The following FDFT1 variants were observed in gnomAD, a reference collection of about 807,000 sequenced individuals.
FDFT1 encodes farnesyl-diphosphate farnesyltransferase 1.
In FDFT1, 68 loss-of-function variants were observed where a neutral mutation model predicts 46.8. The ratio of observed to expected loss-of-function variants is 1.45; its 90% CI spans 1.19 to 1.78. The LOEUF is 1.78. FDFT1 is among the 40% of genes most tolerant of loss of function. The probability of loss-of-function intolerance (pLI) is 0.00; values close to 1 mark genes in which losing one functional copy is unlikely to be tolerated. For missense variants in FDFT1, 928 were observed against 524.4 expected, an observed-to-expected ratio of 1.77 and a Z score of -7.52; for synonymous variants, 351 against 185.1, an observed-to-expected ratio of 1.90 and a Z score of -7.28.
chr8:11,825,959 T>A, intron 4 of FDFT1, 65 bp from the exon 5 acceptor site: 1 of 1,178,878 alleles, frequency 8.5e-7, no homozygotes, highest in Non-Finnish European at 1.2e-6. Context: ...TAGCTAATGA[T>A]CTCTAGTGTG....
chr8:11,809,746 A>G lies in FDFT1; in HGVS notation c.277A>G (p.Lys93Glu). The G allele has an allele frequency of 6.2e-7, 1 of 1,614,116 alleles. No homozygotes were observed. Among genetic ancestry groups the G allele is most frequent in the Non-Finnish European group, 8.5e-7 (1 of 1,179,974 alleles). ...EDDMTISVEK[K>E]VPLLHNFHSF... ...TGACATGACCATCAGTGTGGAAAAGAAGGTCCCGCTGTTACACAACTTTCA... is the reference window on the plus strand; with the variant it reads ...TGACATGACCATCAGTGTGGAAAAGGAGGTCCCGCTGTTACACAACTTTCA... Residue 93 changes from lysine to glutamate, a missense_variant, in exon 3 of 8, where the codon AAG becomes GAG. Lys to Glu is a moderately conservative substitution (Grantham distance 56). Transcript: ENST00000220584.
chr8:11,825,833 G>A (rs1292073768), intron 4 of FDFT1, among the ~76,000 whole-genome samples, 191 bp from the exon 5 acceptor site: 1 of 152,174 alleles, frequency 6.6e-6, no homozygotes, highest in African/African-American at 2.4e-5. Flanking sequence ...GCCAGAGACT[G>A]CTATGAAATG....
Position 11,804,600 on chromosome 8 carries a change from C to CTTTTT in FDFT1, c.99+1686_99+1690dup, listed in dbSNP as rs5889385. ...TTCACTTAACATTATCTTAGTTTCT[C>CTTTTT]TTTTTTTTTTTTTTTTTTTTTGAGA... On this transcript the variant is annotated intron_variant, in intron 1 of 7. Coordinates refer to ENST00000220584, the MANE Select transcript of FDFT1 (RefSeq NM_004462.5). Among the ~76,000 whole-genome samples the CTTTTT allele has an allele frequency of 1.6e-3, 153 of 97,330 alleles. 3 individuals are homozygous for CTTTTT. The highest frequency in any genetic ancestry group is 2.5e-3 in the East Asian group (8 of 3,190). 63.9% of individuals were successfully genotyped at this position (97,330 alleles called of 152,430 possible). A position where few individuals can be genotyped will look rare whatever the true frequency, so the allele number is the denominator to read the frequency against.
chr8:11,811,530 G>A (rs1042691221), intron 3 of FDFT1, among the ~76,000 whole-genome samples: 2 of 152,198 alleles, frequency 1.3e-5, no homozygotes, highest in Non-Finnish European at 1.5e-5. Context: ...GGGGAATATC[G>A]CCGTCAGATT....
At chr8:11,818,941 C>G (rs183355509) in intron 3 of FDFT1, among the ~76,000 whole-genome samples, 1 of 152,288 alleles carries the variant, frequency 6.6e-6, no homozygotes, top group East Asian at 1.9e-4. Context: ...CAGTTTCTTC[C>G]TAGCCTCGAT....
upstream of FDFT1, among the ~76,000 whole-genome samples, chr8:11,800,862 T>A (rs1279309152): frequency 6.6e-6 from 1 of 152,204 alleles, no homozygotes; most frequent in Non-Finnish European, 1.5e-5. Flanking sequence ...GAAACTAAGT[T>A]TTTAAGATTT....
intron 5 of FDFT1, among the ~76,000 whole-genome samples, chr8:11,828,771 T>TC (rs547492170): frequency 6.9e-4 from 105 of 152,354 alleles, no homozygotes; most frequent in African/African-American, 2.0e-3. Flanking sequence ...CCAAATGTGG[T>TC]CCTAGGTGAT....
upstream of FDFT1, among the ~76,000 whole-genome samples, chr8:11,799,397 G>T (rs145318449): frequency 6.6e-6 from 1 of 152,260 alleles, no homozygotes; most frequent in African/African-American, 2.4e-5. Flanking sequence ...AAAAAGAAGA[G>T]CCCTGTGGCA....
upstream of FDFT1, among the ~76,000 whole-genome samples, chr8:11,799,459 C>T (rs1805884945): frequency 6.6e-6 from 1 of 152,206 alleles, no homozygotes; most frequent in Non-Finnish European, 1.5e-5. Flanking sequence ...TTCACCATTG[C>T]CTGCATGGCC....
chr8:11,830,207 C>G (rs763358396), intron 5 of FDFT1, 37 bp from the exon 6 acceptor site: 9 of 1,522,692 alleles, frequency 5.9e-6, no homozygotes, highest in Non-Finnish European at 8.2e-6. Context: ...CCCCTATGCA[C>G]ACGCTGACCT....
intron 7 of FDFT1, among the ~76,000 whole-genome samples, chr8:11,836,361 C>G (rs1811537223): frequency 6.6e-6 from 1 of 152,216 alleles, no homozygotes; most frequent in East Asian, 1.9e-4. Flanking sequence ...CCAAGTAGGG[C>G]TGGACCTTGC....
chr8:11,810,897 GA>G (rs1263655683), intron 3 of FDFT1, among the ~76,000 whole-genome samples: 4 of 66,442 alleles, frequency 6.0e-5, no homozygotes, highest in Non-Finnish European at 8.5e-5. Context: ...CCAAACAAAA[GA>G]ATCTTTGATT....
rs1807210054 is a variant in FDFT1 at position 11,808,528 on chromosome 8, CCG to C, written c.100-264_100-263del. The C allele has an allele frequency of 2.3e-6, 3 of 1,332,868 alleles. No individual in the cohort carries two copies. In the East Asian group the frequency reaches 9.1e-5, roughly 40 times the overall value. 82.6% of individuals were successfully genotyped at this position (1,332,868 alleles called of 1,614,324 possible). A position where few individuals can be genotyped will look rare whatever the true frequency, so the allele number is the denominator to read the frequency against. On this transcript the variant is annotated intron_variant, in intron 1 of 7. Transcript: ENST00000220584. Reference sequence around the variant, plus strand: ...GGGTCCGCGATTCCCATGGCCGCAGCCGCCTGCGGCACCAAGGCCATGGCCCT... The same window carrying C: ...GGGTCCGCGATTCCCATGGCCGCAGCCCTGCGGCACCAAGGCCATGGCCCT...
chr8:11,802,751 C>T lies in FDFT1; in HGVS notation c.-82C>T. Reference sequence around the variant, plus strand: ...TCCGGCCAGCCCCTCGAAGCACCTACTCCACAGGTCCAGCCGGCCGGTGAG... The same window carrying T: ...TCCGGCCAGCCCCTCGAAGCACCTATTCCACAGGTCCAGCCGGCCGGTGAG... On this transcript the variant is annotated 5_prime_UTR_variant, in exon 1 of 8. Coordinates refer to ENST00000220584, the MANE Select transcript of FDFT1 (RefSeq NM_004462.5). 9.1e-7 allele frequency: 1 copy of T among 1,102,202 alleles called. No homozygotes were observed. The highest frequency in any genetic ancestry group is 1.4e-6 in the Non-Finnish European group (1 of 739,132). The allele number at this position is 1,102,202 out of a possible 1,614,324, so 68.3% of individuals were successfully genotyped here. A position where few individuals can be genotyped will look rare whatever the true frequency, so the allele number is the denominator to read the frequency against.
At chr8:11,802,393 C>T (rs2686196), upstream of FDFT1, 24 of 456,542 alleles carry the variant, frequency 5.3e-5, no homozygotes, top group African/African-American at 4.6e-4. Flanking sequence ...CGTTGGGCTC[C>T]TGCGCATCCT....
intron 1 of FDFT1, chr8:11,796,036 G>A (rs1805528916): frequency 6.6e-6 from 1 of 152,216 alleles, no homozygotes; most frequent in African/African-American, 2.4e-5. Flanking sequence ...TAGTTCATGA[G>A]TTGGGGTTTT....
Position 11,838,766 on chromosome 8 carries a change from A to T in FDFT1, c.*157A>T, listed in dbSNP as rs776532401. 1 of 655,320 alleles carries T rather than the reference A, an allele frequency of 1.5e-6. No homozygotes were observed. Among genetic ancestry groups the T allele is most frequent in the Non-Finnish European group, 2.7e-6 (1 of 373,026 alleles). 40.6% of individuals were successfully genotyped at this position (655,320 alleles called of 1,614,324 possible). A position where few individuals can be genotyped will look rare whatever the true frequency, so the allele number is the denominator to read the frequency against. On this transcript the variant is annotated 3_prime_UTR_variant, in exon 8 of 8. Transcript: ENST00000220584. ...TTTAGGAAAGTGAAATGCAGGTGAG[A>T]AGAACCTAAACATGAAAGGAAAGGG...
intron 3 of FDFT1, among the ~76,000 whole-genome samples, chr8:11,818,076 G>A (rs990108748): frequency 6.6e-6 from 1 of 152,110 alleles, no homozygotes; most frequent in African/African-American, 2.4e-5. Context: ...GTTCTCATTG[G>A]TTTCAAAGAA....
chr8:11,809,999 C>G, intron 3 of FDFT1, 149 bp downstream of exon 3: 1 of 582,886 alleles, frequency 1.7e-6, no homozygotes, highest in Non-Finnish European at 2.9e-6. Context: ...GTAGCCAAGA[C>G]TCTGAAGCCA....
Sources: gnomAD v4.1 joint callset for allele counts (sites outside exome capture counted in the v4.1 genomes callset) on GRCh38, gnomAD v4.1.1 for gene constraint, MANE v1.5 for transcripts, NCBI Gene and HGNC (gene_info 2026-07-23, HGNC 2026-07-21) for gene names.